The following PAK1 variants were observed in gnomAD, a reference collection of about 807,000 sequenced individuals.
The protein encoded by PAK1 is p21 (RAC1) activated kinase 1.
PAK1 carries 29 observed loss-of-function variants against 67.4 expected under a neutral mutation model. The observed-to-expected ratio is 0.43, with a 90% CI of 0.32 to 0.59. The LOEUF is 0.59. Ranked by LOEUF, PAK1 falls within the 20% of genes least tolerant of loss-of-function variation. PAK1 has a pLI of 0.07. For synonymous variants in PAK1, 223 were observed against 237.4 expected, an observed-to-expected ratio of 0.94 and a Z score of 0.56; for missense variants, 337 against 670.7, an observed-to-expected ratio of 0.50 and a Z score of 5.50.
intron 8 of PAK1, 25 bp from the exon 9 acceptor site, chr11:77,349,312 G>C (rs1273921542): frequency 1.3e-6 from 2 of 1,580,440 alleles, no homozygotes; most frequent in Admixed American, 1.8e-5. Flanking sequence ...GGCGGAGAAA[G>C]AGGGAAAAAA....
chr11:77,423,387 CA>C (rs1282211007), intron 1 of PAK1, among the ~76,000 whole-genome samples: 1 of 140,648 alleles, frequency 7.1e-6, no homozygotes, highest in Admixed American at 7.1e-5. Context: ...AAATGGCTTT[CA>C]AGTTGCTTTC....
At chr11:77,324,172 C>CTTTTTTTTTT (rs11324143) in intron 14 of PAK1, among the ~76,000 whole-genome samples, 4 of 127,460 alleles carry the variant, frequency 3.1e-5, no homozygotes, top group African/African-American at 6.3e-5. Flanking sequence ...AAAGCAATTC[C>CTTTTTTTTTT]TTTTTTTTTT....
At chr11:77,333,732 C>A (rs1942155873) in intron 13 of PAK1, among the ~76,000 whole-genome samples, 1 of 152,144 alleles carries the variant, frequency 6.6e-6, no homozygotes, top group Non-Finnish European at 1.5e-5. Flanking sequence ...AAGACTAAAT[C>A]TTTACAAGCA....
intron 1 of PAK1, chr11:77,412,050 C>T (rs546415947): frequency 1.3e-5 from 2 of 152,376 alleles, no homozygotes; most frequent in Admixed American, 1.3e-4. Context: ...CGCGCTTCTC[C>T]TTTTCTGCAA....
At chr11:77,457,967 T>C (rs937492433) in intron 1 of PAK1, among the ~76,000 whole-genome samples, 1 of 152,204 alleles carries the variant, frequency 6.6e-6, no homozygotes, top group Non-Finnish European at 1.5e-5. Flanking sequence ...ATGCATTTAT[T>C]AGGCATCTCT....
chr11:77,454,919 G>A (rs1957018302), intron 1 of PAK1, among the ~76,000 whole-genome samples: 1 of 152,082 alleles, frequency 6.6e-6, no homozygotes, highest in African/African-American at 2.4e-5. Flanking sequence ...GTCTCTACTG[G>A]TTCAATTTCA....
At chr11:77,379,567 G>T in intron 3 of PAK1, 179 bp from the exon 4 acceptor site, 2 of 614,038 alleles carry the variant, frequency 3.3e-6, no homozygotes, top group Non-Finnish European at 2.8e-6. Flanking sequence ...CATTGAATTA[G>T]TCATTTCTTA....
At chr11:77,345,753 C>A (rs1591800633) in intron 9 of PAK1, among the ~76,000 whole-genome samples, 4 of 152,152 alleles carry the variant, frequency 2.6e-5, no homozygotes, top group African/African-American at 9.7e-5. Context: ...TTTTTCCTAA[C>A]GTTTGAAAAG....
At chr11:77,484,683 C>T in the PAK1 span, among the ~76,000 whole-genome samples, 1 of 152,174 alleles carries the variant, frequency 6.6e-6, no homozygotes, top group African/African-American at 2.4e-5. Context: ...CAGTCACTAA[C>T]TTTGTGGGTG....
chr11:77,343,979 A>C, intron 9 of PAK1, 48 bp from the exon 10 acceptor site: 1 of 1,208,224 alleles, frequency 8.3e-7, no homozygotes, highest in Non-Finnish European at 1.2e-6. Flanking sequence ...ATTCCCATTT[A>C]TTGAGCACCT....
intron 11 of PAK1, among the ~76,000 whole-genome samples, chr11:77,339,148 T>C (rs2467481): frequency 0.068 from 10,368 of 152,210 alleles, 800 homozygotes; most frequent in East Asian, 0.24. Context: ...CCATCTATTA[T>C]ACAACATTAA....
chr11:77,485,015 G>A, the PAK1 span, among the ~76,000 whole-genome samples: 2 of 152,184 alleles, frequency 1.3e-5, no homozygotes, highest in Non-Finnish European at 2.9e-5. Context: ...CAGATCTTGT[G>A]AGACTTATTC....
intron 1 of PAK1, among the ~76,000 whole-genome samples, chr11:77,466,910 C>T (rs1252141929): frequency 6.6e-6 from 1 of 152,168 alleles, no homozygotes; most frequent in Admixed American, 6.5e-5. Flanking sequence ...TAAAACAACA[C>T]CTGTCCTAGC....
At chr11:77,495,310 C>T in the PAK1 span, among the ~76,000 whole-genome samples, 1 of 151,404 alleles carries the variant, frequency 6.6e-6, no homozygotes. Flanking sequence ...CCCATCTCCA[C>T]TAAAAATACA....
chr11:77,469,026 T>C (rs1489034969), intron 1 of PAK1, among the ~76,000 whole-genome samples: 2 of 152,100 alleles, frequency 1.3e-5, no homozygotes, highest in Non-Finnish European at 2.9e-5. Context: ...CGAATGTAAA[T>C]CTGTCTTCAC....
chr11:77,446,118 C>T lies in PAK1; in HGVS notation c.-22+27434G>A, dbSNP rs546868220. Among the ~76,000 whole-genome samples, 5 of 152,312 alleles carry T rather than the reference C, an allele frequency of 3.3e-5. No individual in the cohort carries two copies. In the South Asian group the frequency reaches 1.0e-3, roughly 32 times the overall value. On this transcript the variant is annotated intron_variant, in intron 1 of 14. Coordinates refer to ENST00000356341, the MANE Select transcript of PAK1 (RefSeq NM_002576.5). ...TTGTATCTCTAGGGTCTAGCACTAG[C>T]ATGCAGCAGATAATAAATATAATAT...
intron 1 of PAK1, among the ~76,000 whole-genome samples, chr11:77,452,247 G>A (rs1212985840): frequency 3.3e-5 from 5 of 152,176 alleles, no homozygotes; most frequent in Admixed American, 2.6e-4. Context: ...GGAAACTGGT[G>A]CTTAAGGAAG....
At chr11:77,383,746 G>C (rs1950132319) in intron 2 of PAK1, among the ~76,000 whole-genome samples, 1 of 152,138 alleles carries the variant, frequency 6.6e-6, no homozygotes, top group African/African-American at 2.4e-5. Context: ...GAGCCACCTG[G>C]AACCCAATTA....
At chr11:77,337,863 T>G (rs1942975210) in intron 11 of PAK1, among the ~76,000 whole-genome samples, 1 of 152,186 alleles carries the variant, frequency 6.6e-6, no homozygotes, top group Admixed American at 6.5e-5. Context: ...GATAATCTTA[T>G]TTTGGTGAGG....
Sources: allele counts gnomAD v4.1 joint callset (sites outside exome capture counted in the v4.1 genomes callset), GRCh38; gene constraint gnomAD v4.1.1; transcripts MANE v1.5; gene names NCBI Gene and HGNC (gene_info 2026-07-23, HGNC 2026-07-21).